The following TAF3 variants were observed in gnomAD, a reference collection of about 807,000 sequenced individuals.
TAF3 encodes TATA-box binding protein associated factor 3, also known as transcription initiation factor TFIID subunit 3.
TAF3 carries 7 observed loss-of-function variants against 80.6 expected under a neutral mutation model. The observed-to-expected ratio is 0.09, with a 90% CI of 0.05 to 0.16. TAF3 has a LOEUF of 0.16. Ranked by LOEUF, TAF3 falls within the 10% of genes least tolerant of loss-of-function variation. TAF3 has a pLI of 1.00. For synonymous variants in TAF3, 444 were observed against 446.1 expected, an observed-to-expected ratio of 1.00 and a Z score of 0.06; for missense variants, 921 against 1,140.2, an observed-to-expected ratio of 0.81 and a Z score of 2.77.
At chr10:7,979,011 C>T (rs1031406059) in intron 4 of TAF3, among the ~76,000 whole-genome samples, 1 of 151,848 alleles carries the variant, frequency 6.6e-6, no homozygotes, top group African/African-American at 2.4e-5. Context: ...CACTGCACTC[C>T]AGCCTGGGCA....
intron 2 of TAF3, among the ~76,000 whole-genome samples, chr10:7,871,735 C>T (rs935077813): frequency 5.3e-5 from 8 of 152,110 alleles, no homozygotes; most frequent in South Asian, 2.1e-4. Context: ...GGAGCCACCG[C>T]GCCAGGCCAA....
intron 2 of TAF3, among the ~76,000 whole-genome samples, chr10:7,933,175 A>C (rs1837885326): frequency 6.6e-6 from 1 of 152,224 alleles, no homozygotes; most frequent in Admixed American, 6.5e-5. Flanking sequence ...ATTTCATGTT[A>C]TTGAAACAGT....
intron 3 of TAF3, among the ~76,000 whole-genome samples, chr10:7,971,917 A>T (rs994843210): frequency 1.3e-5 from 2 of 152,176 alleles, no homozygotes; most frequent in Non-Finnish European, 2.9e-5. Context: ...TTCTACATAA[A>T]ACTGGACAAA....
Position 7,979,406 on chromosome 10 carries a change from C to T in TAF3, c.2315+2083C>T, listed in dbSNP as rs74608380. 8.9e-3 allele frequency among the ~76,000 whole-genome samples: 1,352 copies of T among 151,330 alleles called. 18 individuals are homozygous for T. Among genetic ancestry groups the T allele is most frequent in the African/African-American group, 0.029 (1,215 of 41,320 alleles). On this transcript the variant is annotated intron_variant, in intron 4 of 6. Transcript: ENST00000344293. ...TTGATAGTTATATTCAACTCACCTG[C>T]CTTTAAGCATCTTTCAGTCATTCTG... is the stretch of plus-strand genomic sequence containing the variant.
At chr10:7,985,217 T>C (rs1564377444) in intron 4 of TAF3, among the ~76,000 whole-genome samples, 1 of 152,230 alleles carries the variant, frequency 6.6e-6, no homozygotes, top group Non-Finnish European at 1.5e-5. Context: ...CCCAGCTGAT[T>C]AGACTTGCCT....
intron 3 of TAF3, among the ~76,000 whole-genome samples, chr10:7,974,133 T>C (rs1471902033): frequency 4.1e-5 from 6 of 145,348 alleles, no homozygotes; most frequent in South Asian, 4.5e-4. Context: ...TTCTGAAACA[T>C]ACACACACAC....
chr10:8,009,424 C>G lies in TAF3; in HGVS notation c.2568+94C>G, dbSNP rs1461633038. The G allele has an allele frequency of 2.1e-6, 3 of 1,425,638 alleles. No individual in the cohort carries two copies. The highest frequency in any genetic ancestry group is 1.9e-6 in the Non-Finnish European group (2 of 1,080,854). 88.3% of individuals were successfully genotyped at this position (1,425,638 alleles called of 1,614,324 possible). ...TCACTATCGAATTTCAGACGCATTT[C>G]TCTTCAAAATTTTATTATTTACTTA... On this transcript the variant is annotated intron_variant, in intron 5 of 6. Coordinates refer to ENST00000344293, the MANE Select transcript of TAF3 (RefSeq NM_031923.4). This position sits in a 1 kb window ranked among gnomAD's most constrained non-coding sequence, Gnocchi z 4.1.
intron 2 of TAF3, among the ~76,000 whole-genome samples, chr10:7,880,795 C>A (rs1323748674): frequency 6.6e-6 from 1 of 152,080 alleles, no homozygotes. Context: ...TGTAATTTGG[C>A]AAAGATTAGT....
chr10:7,881,596 A>G (rs942144941), intron 2 of TAF3, among the ~76,000 whole-genome samples: 2 of 152,172 alleles, frequency 1.3e-5, no homozygotes, highest in Non-Finnish European at 2.9e-5. Context: ...TATGTTTTAC[A>G]AATAAAAAGA....
intron 2 of TAF3, among the ~76,000 whole-genome samples, chr10:7,884,033 C>T (rs1256850600): frequency 6.6e-6 from 1 of 152,156 alleles, no homozygotes; most frequent in Non-Finnish European, 1.5e-5. Flanking sequence ...CATGATAACC[C>T]ATCCATCTGT....
intron 5 of TAF3, among the ~76,000 whole-genome samples, chr10:8,010,326 T>G (rs74123833): frequency 0.021 from 3,125 of 152,308 alleles, 120 homozygotes; most frequent in African/African-American, 0.072. Context: ...TTTTATATTG[T>G]TTTGGGATAT....
chr10:7,943,020 C>T (rs1837990843), intron 2 of TAF3, among the ~76,000 whole-genome samples: 1 of 152,208 alleles, frequency 6.6e-6, no homozygotes, highest in South Asian at 2.1e-4. Flanking sequence ...CTACAGTTGC[C>T]GTCCAGTCCA....
intron 4 of TAF3, among the ~76,000 whole-genome samples, chr10:8,008,629 C>T (rs1167698432): frequency 6.6e-6 from 1 of 152,210 alleles, no homozygotes; most frequent in Non-Finnish European, 1.5e-5. Flanking sequence ...GCAAATGTGT[C>T]TTTCTTGCCC....
At chr10:7,845,756 A>T (rs1465857373) in intron 2 of TAF3, among the ~76,000 whole-genome samples, 1 of 152,186 alleles carries the variant, frequency 6.6e-6, no homozygotes, top group East Asian at 1.9e-4. Context: ...GTGAGAGGCC[A>T]TTCCTTAGTA....
chr10:7,929,714 G>T (rs954970890), intron 2 of TAF3, among the ~76,000 whole-genome samples: 1 of 152,114 alleles, frequency 6.6e-6, no homozygotes, highest in South Asian at 2.1e-4. Flanking sequence ...ATATAATAAG[G>T]TTACATTATT....
At chr10:7,931,953 G>C (rs1837873007) in intron 2 of TAF3, among the ~76,000 whole-genome samples, 1 of 152,194 alleles carries the variant, frequency 6.6e-6, no homozygotes, top group Non-Finnish European at 1.5e-5. Context: ...GTCTTGAGGA[G>C]TACAAAGTGC....
chr10:8,014,721 G>C lies in TAF3; in HGVS notation c.2760G>C (p.Lys920Asn), dbSNP rs1200189621. 6.2e-7 allele frequency: 1 copy of C among 1,607,870 alleles called. No homozygotes were observed. Among genetic ancestry groups the C allele is most frequent in the Admixed American group, 1.7e-5 (1 of 59,298 alleles). Residue 920 changes from lysine to asparagine, a missense_variant, in exon 7 of 7, where the codon AAG becomes AAC. Lys to Asn is a moderately conservative substitution (Grantham distance 94, BLOSUM62 0). Around this residue, in one of 6 missense-constraint regions of TAF3, gnomAD observed 29 missense variants for 20.3 expected, o/e 1.43. Coordinates refer to ENST00000344293, the MANE Select transcript of TAF3 (RefSeq NM_031923.4). ...GTGCGAACAAGAAGAAGGACAAAAA[G>C]CACAAGAAGAGGAAGCATCGAGCCC... ...PKCANKKKDKKHKKRKHRAH is the reference protein window; with the variant it reads ...PKCANKKKDKNHKKRKHRAH
chr10:7,960,746 T>C (rs1446304497), intron 2 of TAF3, among the ~76,000 whole-genome samples: 2 of 152,214 alleles, frequency 1.3e-5, no homozygotes, highest in Non-Finnish European at 2.9e-5. Flanking sequence ...TTTTATTTTT[T>C]CCTCCAATTT....
chr10:7,889,054 C>T (rs1564357298), intron 2 of TAF3, among the ~76,000 whole-genome samples: 1 of 152,134 alleles, frequency 6.6e-6, no homozygotes, highest in South Asian at 2.1e-4. Flanking sequence ...ATTAACATCT[C>T]CAGTTCCCAG....
Sources: allele counts gnomAD v4.1 joint callset (sites outside exome capture counted in the v4.1 genomes callset), GRCh38; gene constraint gnomAD v4.1.1; regional missense constraint gnomAD v4.1.1; non-coding constraint Gnocchi (gnomAD v3.1); transcripts MANE v1.5; gene names NCBI Gene and HGNC (gene_info 2026-07-23, HGNC 2026-07-21).